Variants in KCTD8 observed in about 807,000 individuals in gnomAD.
KCTD8 encodes the protein BTB/POZ domain-containing protein KCTD8.
Under a neutral mutation model 31.5 loss-of-function variants are expected in KCTD8, and 27 were observed. The observed-to-expected ratio is 0.86, with a 90% CI of 0.63 to 1.18. The LOEUF (loss-of-function observed/expected upper bound fraction) is 1.18. Among genes scored for constraint, KCTD8 ranks in the 50% most tolerant of loss-of-function variants. The pLI, the probability that KCTD8 is intolerant of heterozygous loss-of-function variation, is 0.00. For synonymous variants in KCTD8, 290 were observed against 280.0 expected (o/e 1.04, Z -0.36); for missense variants, 658 against 647.7 (o/e 1.02, Z -0.17).
intron 1 of KCTD8, among the ~76,000 whole-genome samples, chr4:44,187,440 G>A (rs961120086): frequency 2.0e-5 from 3 of 152,142 alleles, no homozygotes; most frequent in African/African-American, 7.2e-5. Flanking sequence ...ACACAAAGAT[G>A]CCTAGGCTCC....
chr4:44,364,312 T>C (rs184343471), intron 1 of KCTD8, among the ~76,000 whole-genome samples: 149 of 152,262 alleles, frequency 9.8e-4, no homozygotes, highest in African/African-American at 3.4e-3. Flanking sequence ...ATATTACAGA[T>C]GGCAAATAAG....
rs946812649 is a variant in KCTD8, at chr4:44,337,823, C to T, written c.961+109740G>A. Among the ~76,000 whole-genome samples the T allele has an allele frequency of 2.2e-4, 34 of 151,694 alleles. No homozygotes were observed. In the South Asian group the frequency reaches 2.5e-3, roughly 11 times the overall value. On this transcript the variant is annotated intron_variant, in intron 1 of 1. Transcript: ENST00000360029. ...AATTGTACAAATGACACGAACTGAA[C>T]TATTTAAAATTATATATCCTGGTCA...
rs571830095 is a variant in KCTD8 at position 44,330,036 on chromosome 4, T to G, written c.961+117527A>C. ...CACTATACCCACTGTATGTTCTATA[T>G]AGAAAAGCCCCATCAATTCAGAAAA... On this transcript the variant is annotated intron_variant, in intron 1 of 1. Transcript: ENST00000360029. Among the ~76,000 whole-genome samples the G allele has an allele frequency of 9.2e-5, 14 of 152,006 alleles. No homozygotes were observed. In the South Asian group the frequency reaches 2.9e-3, roughly 32 times the overall value.
chr4:44,321,016 T>C (rs1349934159), intron 1 of KCTD8, among the ~76,000 whole-genome samples: 3 of 152,204 alleles, frequency 2.0e-5, no homozygotes, highest in African/African-American at 2.4e-5. Flanking sequence ...GTGTTTTACA[T>C]GCCGAGAATC....
chr4:44,385,833 A>G (rs1293552228), intron 1 of KCTD8, among the ~76,000 whole-genome samples: 1 of 151,672 alleles, frequency 6.6e-6, no homozygotes, highest in Non-Finnish European at 1.5e-5. Flanking sequence ...CAAAATTTAT[A>G]TAAAGAACTC....
chr4:44,423,919 A>G (rs915547629), intron 1 of KCTD8, among the ~76,000 whole-genome samples: 1 of 152,160 alleles, frequency 6.6e-6, no homozygotes, highest in African/African-American at 2.4e-5. Flanking sequence ...AGTAAAGCTC[A>G]TTCAGAGACA....
At chr4:44,271,487 C>A (rs1716598455) in intron 1 of KCTD8, among the ~76,000 whole-genome samples, 1 of 152,056 alleles carries the variant, frequency 6.6e-6, no homozygotes, top group African/African-American at 2.4e-5. Flanking sequence ...GATAGGCCCC[C>A]AAATCTGCCC....
chr4:44,358,645 C>T (rs891141972), intron 1 of KCTD8, among the ~76,000 whole-genome samples: 5 of 151,798 alleles, frequency 3.3e-5, no homozygotes, highest in Non-Finnish European at 4.4e-5. Context: ...CTCGGCTCAC[C>T]GAAAGCTCCG....
chr4:44,374,148 C>A (rs1456141978), intron 1 of KCTD8, among the ~76,000 whole-genome samples: 1 of 152,134 alleles, frequency 6.6e-6, no homozygotes, highest in Non-Finnish European at 1.5e-5. Flanking sequence ...GATGACTGCA[C>A]AGGCTTTTAC....
At chr4:44,244,612 A>G (rs761683858) in intron 1 of KCTD8, among the ~76,000 whole-genome samples, 5 of 152,092 alleles carry the variant, frequency 3.3e-5, no homozygotes, top group South Asian at 2.1e-4. Context: ...TCCTCTCCCA[A>G]TGATTTGCTA....
At chr4:44,284,865 G>GA (rs1717009081) in intron 1 of KCTD8, among the ~76,000 whole-genome samples, 1 of 152,108 alleles carries the variant, frequency 6.6e-6, no homozygotes, top group Non-Finnish European at 1.5e-5. Flanking sequence ...AAAGATATAT[G>GA]AAAAAATGCT....
intron 1 of KCTD8, among the ~76,000 whole-genome samples, chr4:44,425,757 C>T (rs1453982848): frequency 1.3e-5 from 2 of 151,900 alleles, no homozygotes; most frequent in Non-Finnish European, 2.9e-5. Flanking sequence ...TTAAATCTAT[C>T]AACGCAATCT....
intron 1 of KCTD8, among the ~76,000 whole-genome samples, chr4:44,180,582 T>TGCGCAC (rs200270284): frequency 4.1e-4 from 59 of 145,282 alleles, no homozygotes; most frequent in African/African-American, 1.4e-3. Flanking sequence ...TCAGTATACA[T>TGCGCAC]ACATGCACAC....
intron 1 of KCTD8, among the ~76,000 whole-genome samples, chr4:44,196,419 C>G (rs1303557751): frequency 6.6e-6 from 1 of 152,192 alleles, no homozygotes; most frequent in Non-Finnish European, 1.5e-5. Flanking sequence ...GGTGATTCTA[C>G]ACACAGATTA....
intron 1 of KCTD8, among the ~76,000 whole-genome samples, chr4:44,374,876 T>C (rs566787212): frequency 7.6e-4 from 116 of 152,276 alleles, no homozygotes; most frequent in African/African-American, 2.7e-3. Flanking sequence ...GAAAAAGTTT[T>C]AAATATTGTG....
intron 1 of KCTD8, among the ~76,000 whole-genome samples, chr4:44,370,895 A>T (rs185921069): frequency 7.2e-5 from 11 of 152,310 alleles, no homozygotes; most frequent in Non-Finnish European, 1.6e-4. Context: ...AAGAAACAGA[A>T]CCAATAGAAG....
chr4:44,179,318 G>A (rs999857106), intron 1 of KCTD8, among the ~76,000 whole-genome samples: 2 of 151,822 alleles, frequency 1.3e-5, no homozygotes, highest in Non-Finnish European at 2.9e-5. Flanking sequence ...TAATTATACA[G>A]TGTTTGAAAT....
intron 1 of KCTD8, among the ~76,000 whole-genome samples, chr4:44,370,815 G>C (rs1430920310): frequency 6.6e-6 from 1 of 152,154 alleles, no homozygotes; most frequent in African/African-American, 2.4e-5. Flanking sequence ...AGTGGCAAGG[G>C]AGAAGGAGGT....
intron 1 of KCTD8, among the ~76,000 whole-genome samples, chr4:44,360,940 C>G (rs945832435): frequency 1.3e-5 from 2 of 151,884 alleles, no homozygotes; most frequent in African/African-American, 2.4e-5. Flanking sequence ...CTCTTTTCCT[C>G]TCCTCTTCCA....
Sources: gnomAD v4.1 joint callset for allele counts (sites outside exome capture counted in the v4.1 genomes callset) on GRCh38, gnomAD v4.1.1 for gene constraint, MANE v1.5 for transcripts, NCBI Gene and HGNC (gene_info 2026-07-23, HGNC 2026-07-21) for gene names.